The following LRRFIP1 variants were observed in gnomAD, a reference collection of about 807,000 sequenced individuals.
LRRFIP1 encodes the protein LRR binding FLII interacting protein 1, also known as leucine-rich repeat flightless-interacting protein 1.
A neutral mutation model predicts 104.4 loss-of-function variants in LRRFIP1; 62 were observed. The observed-to-expected ratio is 0.59, with a 90% CI of 0.48 to 0.73. LRRFIP1 has a LOEUF of 0.73. Ranked by LOEUF, LRRFIP1 falls within the 30% of genes least tolerant of loss-of-function variation. LRRFIP1 has a pLI of 0.00. For missense variants in LRRFIP1, 796 were observed against 824.5 expected, an observed-to-expected ratio of 0.97 and a Z score of 0.42; for synonymous variants, 300 against 299.0, an observed-to-expected ratio of 1.00 and a Z score of -0.03.
At chr2:237,777,932 CA>C (rs1186115291) in intron 23 of LRRFIP1, among the ~76,000 whole-genome samples, 1 of 152,094 alleles carries the variant, frequency 6.6e-6, no homozygotes, top group Non-Finnish European at 1.5e-5. Flanking sequence ...AAAGATTTTC[CA>C]GTTCACCATT....
rs2094819651 is a variant in LRRFIP1 at position 237,727,784 on chromosome 2, C to T, written c.385-92C>T. 3.4e-6 allele frequency: 3 copies of T among 892,038 alleles called. No homozygotes were observed. In the East Asian group the frequency reaches 7.2e-5, roughly 22 times the overall value. 55.3% of individuals were successfully genotyped at this position (892,038 alleles called of 1,614,324 possible). ...TTCATCCGCTCCACAAGAAAGGTCA[C>T]CTTATACCTGGCTGGTTGGTCCCTG... On this transcript the variant is annotated intron_variant, in intron 7 of 23. Transcript: ENST00000308482.
chr2:237,750,301 CCTTTTT>C (rs201500984), intron 13 of LRRFIP1, among the ~76,000 whole-genome samples: 2,764 of 141,962 alleles, frequency 0.019, 87 homozygotes, highest in African/African-American at 0.069. Flanking sequence ...CTTTTTTTTT[CCTTTTT>C]CTTTTCTTTT....
At chr2:237,669,449 C>T (rs1252325768) in intron 1 of LRRFIP1, among the ~76,000 whole-genome samples, 1 of 152,166 alleles carries the variant, frequency 6.6e-6, no homozygotes, top group Non-Finnish European at 1.5e-5. Context: ...TTCAAATCGT[C>T]AAAACGTGTC....
At chr2:237,637,933 GT>G (rs1429452751) in intron 1 of LRRFIP1, among the ~76,000 whole-genome samples, 4 of 152,046 alleles carry the variant, frequency 2.6e-5, no homozygotes, top group Admixed American at 2.6e-4. Context: ...ACTCATCGTG[GT>G]TTCCATGCTG....
chr2:237,671,517 C>A (rs2090333071), intron 1 of LRRFIP1, among the ~76,000 whole-genome samples: 1 of 152,150 alleles, frequency 6.6e-6, no homozygotes, highest in Non-Finnish European at 1.5e-5. Context: ...GTCATGTGAG[C>A]CTTTTGTCTT....
chr2:237,714,238 T>G (rs2094232667), intron 2 of LRRFIP1, 21 bp from the exon 3 acceptor site: 4 of 1,567,034 alleles, frequency 2.6e-6, no homozygotes, highest in Non-Finnish European at 3.5e-6. Context: ...CATTTCTTTT[T>G]TCTTCTGTCC....
At chr2:237,676,769 C>G (rs890572373) in intron 1 of LRRFIP1, among the ~76,000 whole-genome samples, 16 of 152,318 alleles carry the variant, frequency 1.1e-4, no homozygotes, top group African/African-American at 3.8e-4. Flanking sequence ...TCCCAAAGTG[C>G]TGGGATTACA....
chr2:237,639,675 CAT>C (rs1447911825), intron 1 of LRRFIP1, among the ~76,000 whole-genome samples: 4 of 152,246 alleles, frequency 2.6e-5, no homozygotes, highest in African/African-American at 7.2e-5. Flanking sequence ...GGAATTGCCA[CAT>C]GAGTTGAGAT....
chr2:237,772,787 C>A lies in LRRFIP1; in HGVS notation c.1628-79C>A. The A allele has an allele frequency of 5.2e-6, 5 of 959,564 alleles. 1 individual carries two copies. Among genetic ancestry groups the A allele is most frequent in the East Asian group, 4.8e-5 (2 of 41,868 alleles). 59.4% of individuals were successfully genotyped at this position (959,564 alleles called of 1,614,324 possible). A position where few individuals can be genotyped will look rare whatever the true frequency, so the allele number is the denominator to read the frequency against. On this transcript the variant is annotated intron_variant, in intron 21 of 23. Transcript: ENST00000308482. ...TTGTGAGATGATTACAAAGTAAGGG[C>A]TTGGTTCCCAGTAACTATTGTTTTA...
rs536927062 is a variant in LRRFIP1, at chr2:237,758,849, A to T, written c.1317+28A>T. 9.1e-4 allele frequency: 1,314 copies of T among 1,441,654 alleles called. 4 individuals carry two copies. The highest frequency in any genetic ancestry group is 5.8e-3 in the African/African-American group (323 of 55,500). The allele number at this position is 1,441,654 out of a possible 1,614,324, so 89.3% of individuals were successfully genotyped here. On this transcript the variant is annotated intron_variant, in intron 18 of 23. Coordinates refer to ENST00000308482, the MANE Select transcript of LRRFIP1 (RefSeq NM_001137550.2). ...ATGAAGCCAAACTACAGTTTTATTT[A>T]AAAAAAAAGAAAAAAAATCCAGGTG...
intron 1 of LRRFIP1, among the ~76,000 whole-genome samples, chr2:237,651,144 G>A (rs1414563080): frequency 6.6e-6 from 1 of 152,186 alleles, no homozygotes; most frequent in Admixed American, 6.5e-5. Context: ...AAATTAGAGA[G>A]GCTAGTACGA....
intron 1 of LRRFIP1, among the ~76,000 whole-genome samples, chr2:237,655,842 CAA>C (rs2086730882): frequency 1.3e-5 from 2 of 152,224 alleles, no homozygotes; most frequent in South Asian, 4.1e-4. Flanking sequence ...AAAGACAAAA[CAA>C]GAGAAATACT....
chr2:237,763,534 A>G (rs768043111), intron 19 of LRRFIP1: 3 of 1,613,286 alleles, frequency 1.9e-6, no homozygotes, highest in Non-Finnish European at 2.5e-6. Context: ...AAATTAAGGA[A>G]GAAGAGCAGG....
chr2:237,774,140 A>C, intron 22 of LRRFIP1: 2 of 515,598 alleles, frequency 3.9e-6, no homozygotes, highest in Non-Finnish European at 3.5e-6. Flanking sequence ...GGTCAGAGGA[A>C]ATGGGTCCCC....
intron 1 of LRRFIP1, among the ~76,000 whole-genome samples, chr2:237,666,928 CTTTCTTTCTTTCTTTCTT>C (rs1176413640): frequency 6.6e-5 from 2 of 30,390 alleles, no homozygotes; most frequent in Non-Finnish European, 3.2e-4. Flanking sequence ...TTCTTTCTTT[CTTTCTTTCTTTCTTTCTT>C]TTTCTTTCTT....
chr2:237,651,414 T>C (rs1380019146), intron 1 of LRRFIP1, among the ~76,000 whole-genome samples: 2 of 152,226 alleles, frequency 1.3e-5, no homozygotes, highest in Non-Finnish European at 2.9e-5. Flanking sequence ...TTTTTTCCAA[T>C]TATGTCAAAA....
intron 11 of LRRFIP1, among the ~76,000 whole-genome samples, chr2:237,740,094 G>A (rs895379051): frequency 5.3e-5 from 8 of 152,034 alleles, no homozygotes; most frequent in Middle Eastern, 3.4e-3. Flanking sequence ...TTCCCTGTTC[G>A]TCTCCACTCA....
chr2:237,707,103 A>G (rs773712614), intron 1 of LRRFIP1, among the ~76,000 whole-genome samples: 1 of 152,180 alleles, frequency 6.6e-6, no homozygotes, highest in Admixed American at 6.5e-5. Flanking sequence ...GGACACAACC[A>G]GGCAACCTCA....
chr2:237,777,046 T>A (rs1050406205), intron 23 of LRRFIP1, among the ~76,000 whole-genome samples: 5 of 152,128 alleles, frequency 3.3e-5, no homozygotes, highest in Non-Finnish European at 5.9e-5. Context: ...TAAAAAAAAA[T>A]TAAAGTTGAA....
Sources: allele counts gnomAD v4.1 joint callset (sites outside exome capture counted in the v4.1 genomes callset), GRCh38; gene constraint gnomAD v4.1.1; transcripts MANE v1.5; gene names NCBI Gene and HGNC (gene_info 2026-07-23, HGNC 2026-07-21).